BCR: variants seen among roughly 807,000 people sequenced by gnomAD.
BCR encodes breakpoint cluster region protein.
BCR carries 58 observed loss-of-function variants against 138.6 expected under a neutral mutation model. The ratio of observed to expected loss-of-function variants is 0.42; its 90% CI spans 0.34 to 0.52. The LOEUF is 0.52. Among genes scored for constraint, BCR ranks in the 20% least tolerant of loss-of-function variants. BCR has a pLI of 0.06. For synonymous variants in BCR, 786 were observed against 730.1 expected (o/e 1.08, Z -1.23); for missense variants, 1,599 against 1,727.2 (o/e 0.93, Z 1.32).
At chr22:23,308,552 A>C (rs2073972997) in intron 16 of BCR, among the ~76,000 whole-genome samples, 2 of 152,048 alleles carry the variant, frequency 1.3e-5, no homozygotes, top group Non-Finnish European at 2.9e-5. Flanking sequence ...TGATCCGCCC[A>C]CCTCAGCCTC....
At chr22:23,230,973 C>T (rs1050385781) in intron 1 of BCR, among the ~76,000 whole-genome samples, 2 of 152,132 alleles carry the variant, frequency 1.3e-5, no homozygotes, top group Non-Finnish European at 2.9e-5. Context: ...TAACGGGGCC[C>T]GACTCACCCT....
At chr22:23,314,522 A>T in intron 21 of BCR, 30 bp from the exon 22 acceptor site, 1 of 1,611,600 alleles carries the variant, frequency 6.2e-7, no homozygotes, top group Non-Finnish European at 8.5e-7. Context: ...GTGGCGTTGA[A>T]ACAGCACCCG....
intron 1 of BCR, among the ~76,000 whole-genome samples, chr22:23,230,238 T>C (rs896909483): frequency 6.6e-6 from 1 of 152,168 alleles, no homozygotes; most frequent in Admixed American, 6.5e-5. Context: ...GATAGAGGTT[T>C]CATGCAGAAT....
intron 13 of BCR, 36 bp from the exon 14 acceptor site, chr22:23,290,303 G>C (rs1478597085): frequency 3.8e-6 from 6 of 1,596,926 alleles, no homozygotes; most frequent in Non-Finnish European, 5.2e-6. Flanking sequence ...CCTTTCCCGG[G>C]ACAACAGAAG....
chr22:23,215,080 A>G lies in BCR; in HGVS notation c.1279+32841A>G, dbSNP rs140543159. On this transcript the variant is annotated intron_variant, in intron 1 of 22. Coordinates refer to ENST00000305877, the MANE Select transcript of BCR (RefSeq NM_004327.4). ...AGAGACCTCATATGAGTGGAGTCCTACAGCGTTTGTCCATTTGCATCTGGT... is the reference window on the plus strand; with the variant it reads ...AGAGACCTCATATGAGTGGAGTCCTGCAGCGTTTGTCCATTTGCATCTGGT... 3.8e-3 allele frequency among the ~76,000 whole-genome samples: 579 copies of G among 152,334 alleles called. 1 individual carries two copies. The highest frequency in any genetic ancestry group is 4.8e-3 in the Non-Finnish European group (326 of 68,028).
intron 1 of BCR, among the ~76,000 whole-genome samples, chr22:23,221,234 C>T (rs1054292932): frequency 5.3e-5 from 8 of 152,112 alleles, no homozygotes; most frequent in African/African-American, 1.7e-4. Context: ...TGCATCAGGC[C>T]GAGACTTCAG....
intron 1 of BCR, among the ~76,000 whole-genome samples, chr22:23,233,814 A>AAAAAAAAAAAG (rs2072989579): frequency 3.5e-5 from 1 of 28,510 alleles, no homozygotes; most frequent in Non-Finnish European, 6.6e-5. Flanking sequence ...GAAAAAAAAG[A>AAAAAAAAAAAG]AAAAAAAAAA....
chr22:23,203,411 C>T (rs993528550), intron 1 of BCR, among the ~76,000 whole-genome samples: 1 of 152,208 alleles, frequency 6.6e-6, no homozygotes, highest in Non-Finnish European at 1.5e-5. Flanking sequence ...AACGTCTGAG[C>T]TGTGTGGGGC....
At chr22:23,234,019 GC>G (rs1285197918) in intron 1 of BCR, among the ~76,000 whole-genome samples, 1 of 152,056 alleles carries the variant, frequency 6.6e-6, no homozygotes, top group Non-Finnish European at 1.5e-5. Flanking sequence ...TGTATACCCT[GC>G]AGATGTGATG....
chr22:23,263,981 C>T (rs1183291996), intron 4 of BCR: 2 of 889,664 alleles, frequency 2.2e-6, no homozygotes, highest in Admixed American at 1.7e-5. Flanking sequence ...CACACTTGGA[C>T]AGAGACTTTC....
At position 23,227,249 on chromosome 22, in the gene BCR, A is replaced by C. The variant is rs137971391; in HGVS notation, c.1280-26550A>C. ...CCACCTTCCGTACCTACTGTGTGCC[A>C]GGCATAGCAATAGACACTTTGTTAT... On this transcript the variant is annotated intron_variant, in intron 1 of 22. Transcript: ENST00000305877. Among the ~76,000 whole-genome samples, 5 of 152,332 alleles carry C rather than the reference A, an allele frequency of 3.3e-5. No homozygotes were observed. The East Asian group carries it at 9.6e-4, about 29-fold the overall frequency.
intron 15 of BCR, among the ~76,000 whole-genome samples, chr22:23,292,967 A>T (rs1427679660): frequency 6.6e-6 from 1 of 151,974 alleles, no homozygotes; most frequent in Admixed American, 6.6e-5. Context: ...TTTCCGCAGA[A>T]GTTGGAATGA....
At chr22:23,246,688 G>A (rs937856314) in intron 1 of BCR, among the ~76,000 whole-genome samples, 2 of 152,240 alleles carry the variant, frequency 1.3e-5, no homozygotes, top group African/African-American at 2.4e-5. Flanking sequence ...GCCCACTCAG[G>A]TGCGTATTCC....
chr22:23,268,561 CT>C, intron 5 of BCR, 46 bp downstream of exon 5: 1 of 1,479,670 alleles, frequency 6.8e-7, no homozygotes, highest in Non-Finnish European at 9.4e-7. Context: ...TGACTCCCAC[CT>C]GTACCCTCCA....
At chr22:23,254,674 C>CA (rs2073272887) in intron 2 of BCR, 1 of 490,912 alleles carries the variant, frequency 2.0e-6, no homozygotes, top group Non-Finnish European at 4.1e-6. Context: ...TCCCACAGCT[C>CA]AGGGGGCTGC....
At chr22:23,296,001 C>T (rs1447212892) in intron 16 of BCR, among the ~76,000 whole-genome samples, 1 of 152,056 alleles carries the variant, frequency 6.6e-6, no homozygotes, top group Non-Finnish European at 1.5e-5. Flanking sequence ...TGGCTTTCCA[C>T]ATGCCCCTAG....
intron 1 of BCR, chr22:23,198,442 G>A (rs2072508578): frequency 2.4e-6 from 1 of 410,724 alleles, no homozygotes. Flanking sequence ...AGAGGTGGCT[G>A]GGTTACTGCT....
intron 14 of BCR, 186 bp downstream of exon 14, chr22:23,290,599 G>A (rs1169476159): frequency 1.9e-5 from 12 of 627,244 alleles, no homozygotes; most frequent in East Asian, 1.4e-4. Context: ...TGTTTTTCCC[G>A]GAGTGGCCTC....
chr22:23,301,232 GGAGGCAGGGATTTCAGT>G (rs2073898780), intron 16 of BCR, among the ~76,000 whole-genome samples: 1 of 152,274 alleles, frequency 6.6e-6, no homozygotes, highest in African/African-American at 2.4e-5. Context: ...CTTGAACCAG[GGAGGCAGGGATTTCAGT>G]GAGCCAGGGT....
Sources: gnomAD v4.1 joint callset for allele counts (sites outside exome capture counted in the v4.1 genomes callset) on GRCh38, gnomAD v4.1.1 for gene constraint, MANE v1.5 for transcripts, NCBI Gene and HGNC (gene_info 2026-07-23, HGNC 2026-07-21) for gene names.